The following TUSC3 variants were observed in gnomAD, a reference collection of about 807,000 sequenced individuals.
TUSC3 encodes the protein tumor suppressor candidate 3, also known as dolichyl-diphosphooligosaccharide--protein glycosyltransferase subunit TUSC3.
Under a neutral mutation model 44.8 loss-of-function variants are expected in TUSC3, and 45 were observed. The ratio of observed to expected loss-of-function variants is 1.00; its 90% CI spans 0.79 to 1.29. TUSC3 has a LOEUF of 1.29. Ranked by LOEUF, TUSC3 falls within the 50% of genes most tolerant of loss-of-function variation. TUSC3 has a pLI of 0.00. For missense variants in TUSC3, 519 were observed against 437.9 expected (o/e 1.19, Z -1.65); for synonymous variants, 212 against 152.9 (o/e 1.39, Z -2.85).
chr8:15,517,142 T>C (rs1459176784), intron 2 of TUSC3, among the ~76,000 whole-genome samples: 1 of 152,170 alleles, frequency 6.6e-6, no homozygotes, highest in Non-Finnish European at 1.5e-5. Context: ...CCAGGGATTC[T>C]CTAGCAATAG....
intron 2 of TUSC3, among the ~76,000 whole-genome samples, chr8:15,644,050 C>G (rs143416248): frequency 1.1e-4 from 17 of 152,254 alleles, no homozygotes; most frequent in Admixed American, 9.8e-4. Flanking sequence ...TAAAACATCT[C>G]TTTAAAAATT....
At chr8:15,475,287 G>C (rs1800560268) in intron 1 of TUSC3, among the ~76,000 whole-genome samples, 1 of 152,110 alleles carries the variant, frequency 6.6e-6, no homozygotes, top group South Asian at 2.1e-4. Context: ...AAAGGACAGA[G>C]ATAACACCAG....
At chr8:15,439,644 T>G (rs561126562) in intron 1 of TUSC3, among the ~76,000 whole-genome samples, 1 of 152,358 alleles carries the variant, frequency 6.6e-6, no homozygotes, top group Admixed American at 6.5e-5. Context: ...GTTAGATTCT[T>G]TTGTTTATAC....
At chr8:15,845,434 GGAGA>G in the TUSC3 span, among the ~76,000 whole-genome samples, 595 of 152,134 alleles carry the variant, frequency 3.9e-3, 3 homozygotes, top group Admixed American at 6.2e-3. Context: ...TGTTTTTCAG[GGAGA>G]GAGTGACCAA....
chr8:15,575,493 T>C (rs1171148668), intron 1 of TUSC3, among the ~76,000 whole-genome samples: 1 of 152,142 alleles, frequency 6.6e-6, no homozygotes, highest in African/African-American at 2.4e-5. Flanking sequence ...GGGCTGGGTA[T>C]GGTGGCTCAC....
At chr8:15,476,232 A>C (rs1800573908) in intron 1 of TUSC3, among the ~76,000 whole-genome samples, 1 of 152,216 alleles carries the variant, frequency 6.6e-6, no homozygotes, top group South Asian at 2.1e-4. Context: ...GTGAACCCTG[A>C]GTAGGATGAA....
chr8:15,588,275 C>G (rs1298588359), intron 1 of TUSC3, among the ~76,000 whole-genome samples: 1 of 152,108 alleles, frequency 6.6e-6, no homozygotes, highest in Non-Finnish European at 1.5e-5. Flanking sequence ...GATGTTATCT[C>G]ACAGTGGTTT....
chr8:15,456,894 C>T (rs1478560751), intron 1 of TUSC3, among the ~76,000 whole-genome samples: 1 of 151,996 alleles, frequency 6.6e-6, no homozygotes, highest in African/African-American at 2.4e-5. Flanking sequence ...ATACCAAAAG[C>T]ATTGACTTGA....
intron 2 of TUSC3, among the ~76,000 whole-genome samples, chr8:15,512,872 G>GTGTATATATATA (rs761482107): frequency 0.013 from 1,781 of 132,244 alleles, 35 homozygotes; most frequent in East Asian, 0.04. Flanking sequence ...ATATGTGTGT[G>GTGTATATATATA]TATATATATA....
the TUSC3 span, among the ~76,000 whole-genome samples, chr8:15,813,767 AG>A: frequency 7.0e-6 from 1 of 142,582 alleles, no homozygotes; most frequent in Admixed American, 7.0e-5. Flanking sequence ...CATGTGAAAG[AG>A]GTTTTTTTTT....
At chr8:15,587,390 A>T (rs1181040355) in intron 1 of TUSC3, among the ~76,000 whole-genome samples, 2 of 152,190 alleles carry the variant, frequency 1.3e-5, no homozygotes, top group African/African-American at 4.8e-5. Flanking sequence ...TTTACATTAA[A>T]AAAGCATCCA....
chr8:15,749,409 A>G (rs1276246085), intron 9 of TUSC3, among the ~76,000 whole-genome samples: 3 of 152,148 alleles, frequency 2.0e-5, no homozygotes, highest in African/African-American at 7.2e-5. Context: ...TGGGATTATA[A>G]TACAAGAATA....
chr8:15,698,126 T>G (rs1809248035), intron 6 of TUSC3, among the ~76,000 whole-genome samples: 1 of 152,292 alleles, frequency 6.6e-6, no homozygotes, highest in East Asian at 1.9e-4. Flanking sequence ...TAAAAAATAC[T>G]ATTGAAGTTT....
At chr8:15,793,128 C>A in the TUSC3 span, among the ~76,000 whole-genome samples, 19 of 152,230 alleles carry the variant, frequency 1.2e-4, no homozygotes, top group African/African-American at 4.3e-4. Context: ...CCTCTTTCCA[C>A]TTTTGCACTA....
intron 1 of TUSC3, among the ~76,000 whole-genome samples, chr8:15,602,393 A>G (rs1422996672): frequency 6.6e-6 from 1 of 151,686 alleles, no homozygotes; most frequent in Non-Finnish European, 1.5e-5. Flanking sequence ...AAAATACTAA[A>G]TAAGTTTTAT....
intron 2 of TUSC3, among the ~76,000 whole-genome samples, chr8:15,502,329 A>T (rs12550443): frequency 6.6e-6 from 1 of 152,014 alleles, no homozygotes; most frequent in Non-Finnish European, 1.5e-5. Context: ...TTGAAGTTCA[A>T]TTATATCATA....
At chr8:15,520,897 A>G (rs188892895) in intron 2 of TUSC3, among the ~76,000 whole-genome samples, 1 of 152,322 alleles carries the variant, frequency 6.6e-6, no homozygotes, top group Admixed American at 6.5e-5. Context: ...CACCCTTAAC[A>G]ATGAAATGAC....
At chr8:15,697,057 T>G (rs1270194586) in intron 6 of TUSC3, among the ~76,000 whole-genome samples, 2 of 152,192 alleles carry the variant, frequency 1.3e-5, no homozygotes, top group African/African-American at 4.8e-5. Flanking sequence ...GTTTTCTAGT[T>G]TAGGCACTTA....
chr8:15,824,167 T>C, the TUSC3 span, among the ~76,000 whole-genome samples: 1 of 152,198 alleles, frequency 6.6e-6, no homozygotes, highest in Non-Finnish European at 1.5e-5. Flanking sequence ...CACTGCATTG[T>C]ATCATAGAAC....
Sources: gnomAD v4.1 joint callset for allele counts (sites outside exome capture counted in the v4.1 genomes callset) on GRCh38, gnomAD v4.1.1 for gene constraint, MANE v1.5 for transcripts, NCBI Gene and HGNC (gene_info 2026-07-23, HGNC 2026-07-21) for gene names.